Variants in HCN1 observed in about 807,000 individuals in gnomAD.
The protein encoded by HCN1 is hyperpolarization activated cyclic nucleotide gated potassium channel 1.
Under a neutral mutation model 78.9 loss-of-function variants are expected in HCN1, and 13 were observed. The observed-to-expected ratio is 0.16, with a 90% CI of 0.11 to 0.26. The LOEUF is 0.26. HCN1 is among the 10% of genes least tolerant of loss of function. HCN1 has a pLI of 1.00. For synonymous variants in HCN1, 552 were observed against 455.5 expected, an observed-to-expected ratio of 1.21 and a Z score of -2.70; for missense variants, 810 against 1,154.3, an observed-to-expected ratio of 0.70 and a Z score of 4.32.
chr5:45,402,253 G>C (rs1309593128), intron 3 of HCN1, among the ~76,000 whole-genome samples: 2 of 152,118 alleles, frequency 1.3e-5, no homozygotes, highest in African/African-American at 2.4e-5. Flanking sequence ...AAACTTGTGA[G>C]CAGAGAATGA....
In HCN1 at chr5:45,504,048, G is replaced by A. The variant is rs1226722119; in HGVS notation, c.850-42041C>T. Among the ~76,000 whole-genome samples the A allele has an allele frequency of 7.2e-5, 11 of 152,160 alleles. No homozygotes were observed. In the East Asian group the frequency reaches 1.9e-3, roughly 27 times the overall value. On this transcript the variant is annotated intron_variant, in intron 2 of 7. Transcript: ENST00000303230. ...TGATCCACCCACCCAGCCTCCAAAA[G>A]TGCTAGGATTGCAGGCATGAGCCAC...
intron 2 of HCN1, among the ~76,000 whole-genome samples, chr5:45,513,412 G>T (rs1742455166): frequency 6.6e-6 from 1 of 152,068 alleles, no homozygotes; most frequent in Admixed American, 6.6e-5. Flanking sequence ...ATAAATTATA[G>T]AATCAAGATA....
intron 2 of HCN1, among the ~76,000 whole-genome samples, chr5:45,607,597 C>A (rs10079739): frequency 0.52 from 76,201 of 145,176 alleles, 22,004 homozygotes; most frequent in East Asian, 0.66. Flanking sequence ...ATATATATAT[C>A]TATAGATAGA....
At chr5:45,329,522 C>T (rs1255039245) in intron 5 of HCN1, among the ~76,000 whole-genome samples, 1 of 151,414 alleles carries the variant, frequency 6.6e-6, no homozygotes, top group African/African-American at 2.4e-5. Context: ...ACTCCCCTTT[C>T]TGTCTCCTTG....
chr5:45,439,481 A>C (rs1461636596), intron 3 of HCN1, among the ~76,000 whole-genome samples: 1 of 152,200 alleles, frequency 6.6e-6, no homozygotes, highest in Non-Finnish European at 1.5e-5. Context: ...GCAAAAGAGA[A>C]AAATGAAGTG....
At chr5:45,673,173 A>G (rs1746192203) in intron 1 of HCN1, among the ~76,000 whole-genome samples, 2 of 151,496 alleles carry the variant, frequency 1.3e-5, no homozygotes, top group South Asian at 4.1e-4. Context: ...CTTAAAAATT[A>G]GGATTTATCT....
intron 2 of HCN1, among the ~76,000 whole-genome samples, chr5:45,537,820 T>A (rs1743002020): frequency 6.6e-6 from 1 of 152,032 alleles, no homozygotes; most frequent in Non-Finnish European, 1.5e-5. Context: ...CTGTTAGCCA[T>A]TTGACTACAA....
At chr5:45,442,151 G>T (rs952669019) in intron 3 of HCN1, among the ~76,000 whole-genome samples, 1 of 152,080 alleles carries the variant, frequency 6.6e-6, no homozygotes, top group Non-Finnish European at 1.5e-5. Flanking sequence ...ATGTGAAAAG[G>T]AATTCAAATT....
intron 5 of HCN1, among the ~76,000 whole-genome samples, chr5:45,306,483 C>A (rs960838724): frequency 2.0e-5 from 3 of 151,980 alleles, no homozygotes; most frequent in Non-Finnish European, 4.4e-5. Context: ...TTCCTTCATG[C>A]AACTTTTACT....
chr5:45,376,574 A>T (rs1271005417), intron 4 of HCN1, among the ~76,000 whole-genome samples: 1 of 151,678 alleles, frequency 6.6e-6, no homozygotes, highest in Non-Finnish European at 1.5e-5. Flanking sequence ...AAGGATGATG[A>T]TAACAAGCAT....
At chr5:45,360,688 G>A (rs1258618608) in intron 4 of HCN1, among the ~76,000 whole-genome samples, 2 of 151,762 alleles carry the variant, frequency 1.3e-5, no homozygotes, top group East Asian at 3.9e-4. Context: ...AAAGTTTTAA[G>A]TCACATAGTC....
intron 1 of HCN1, among the ~76,000 whole-genome samples, chr5:45,664,630 T>G (rs1274695404): frequency 6.6e-6 from 1 of 151,784 alleles, no homozygotes; most frequent in Admixed American, 6.6e-5. Flanking sequence ...CATCAAATAG[T>G]GGGCAAAGGA....
At chr5:45,620,309 T>C (rs1051239734) in intron 2 of HCN1, among the ~76,000 whole-genome samples, 2 of 152,030 alleles carry the variant, frequency 1.3e-5, no homozygotes, top group African/African-American at 4.8e-5. Context: ...GTAGTGTAGC[T>C]AGTGTTGTAC....
chr5:45,530,443 T>C (rs1045793770), intron 2 of HCN1, among the ~76,000 whole-genome samples: 3 of 150,386 alleles, frequency 2.0e-5, no homozygotes, highest in Non-Finnish European at 4.4e-5. Flanking sequence ...TATAGTTTTT[T>C]TTTTTAAAAT....
chr5:45,531,003 A>T (rs1395412130), intron 2 of HCN1, among the ~76,000 whole-genome samples: 4 of 152,030 alleles, frequency 2.6e-5, no homozygotes, highest in Non-Finnish European at 1.5e-5. Flanking sequence ...TATAAATGCC[A>T]AGAAATATGG....
intron 2 of HCN1, among the ~76,000 whole-genome samples, chr5:45,465,394 A>G (rs1741246893): frequency 1.3e-5 from 2 of 152,160 alleles, no homozygotes; most frequent in Non-Finnish European, 2.9e-5. Context: ...CTCTTCCCCG[A>G]CTAGCAATAC....
intron 5 of HCN1, among the ~76,000 whole-genome samples, chr5:45,324,311 A>G (rs945188980): frequency 6.6e-6 from 1 of 152,054 alleles, no homozygotes; most frequent in Non-Finnish European, 1.5e-5. Flanking sequence ...ATTTACAAGA[A>G]AAAAACAACC....
intron 2 of HCN1, among the ~76,000 whole-genome samples, chr5:45,513,543 A>G (rs1010069077): frequency 6.6e-6 from 1 of 152,148 alleles, no homozygotes; most frequent in Non-Finnish European, 1.5e-5. Context: ...ACTGGGTTGC[A>G]TGGCCTGTGG....
At chr5:45,569,935 T>C (rs1474622316) in intron 2 of HCN1, among the ~76,000 whole-genome samples, 1 of 152,050 alleles carries the variant, frequency 6.6e-6, no homozygotes, top group East Asian at 1.9e-4. Context: ...ATGACTTAGA[T>C]ATTTAACTTG....
Sources: allele counts gnomAD v4.1 joint callset (sites outside exome capture counted in the v4.1 genomes callset), GRCh38; gene constraint gnomAD v4.1.1; transcripts MANE v1.5; gene names NCBI Gene and HGNC (gene_info 2026-07-23, HGNC 2026-07-21).